The following UBTD1 variants were observed in gnomAD, a reference collection of about 807,000 sequenced individuals.
UBTD1 encodes the protein ubiquitin domain containing 1.
A neutral mutation model predicts 21.7 loss-of-function variants in UBTD1; 19 were observed. The ratio of observed to expected loss-of-function variants is 0.87; its 90% CI spans 0.61 to 1.28. The LOEUF (loss-of-function observed/expected upper bound fraction) is 1.28. UBTD1 is among the 50% of genes most tolerant of loss of function. The pLI is 0.00. For missense variants in UBTD1, 282 were observed against 315.1 expected, an observed-to-expected ratio of 0.89 and a Z score of 0.80; for synonymous variants, 116 against 135.1, an observed-to-expected ratio of 0.86 and a Z score of 0.98.
intron 1 of UBTD1, among the ~76,000 whole-genome samples, chr10:97,516,180 G>T (rs2040443414): frequency 6.6e-6 from 1 of 152,198 alleles, no homozygotes; most frequent in South Asian, 2.1e-4. Flanking sequence ...GGCTTTGTTG[G>T]AAGGATTTTG....
At chr10:97,545,370 C>T (rs1163787496) in intron 1 of UBTD1, among the ~76,000 whole-genome samples, 1 of 144,230 alleles carries the variant, frequency 6.9e-6, no homozygotes, top group East Asian at 2.1e-4. Flanking sequence ...TTTCTATTCT[C>T]TGGTAAGTAT....
intron 1 of UBTD1, among the ~76,000 whole-genome samples, chr10:97,525,202 C>A (rs2040482914): frequency 6.6e-6 from 1 of 152,228 alleles, no homozygotes; most frequent in African/African-American, 2.4e-5. Context: ...AAGGCAATTT[C>A]TGCCTTTTAG....
chr10:97,538,884 C>G (rs1052382388), intron 1 of UBTD1, among the ~76,000 whole-genome samples: 11 of 152,056 alleles, frequency 7.2e-5, no homozygotes, highest in Non-Finnish European at 1.6e-4. Flanking sequence ...TCCTCAGGAG[C>G]GCTGCACAGG....
intron 1 of UBTD1, among the ~76,000 whole-genome samples, chr10:97,508,171 A>G (rs907194676): frequency 7.2e-5 from 11 of 152,252 alleles, no homozygotes; most frequent in African/African-American, 2.7e-4. Context: ...AGCCTTAGAA[A>G]GGTAATGTCT....
At chr10:97,521,914 A>G (rs1415638150) in intron 1 of UBTD1, among the ~76,000 whole-genome samples, 2 of 152,242 alleles carry the variant, frequency 1.3e-5, no homozygotes, top group African/African-American at 4.8e-5. Flanking sequence ...TGTTTGCGTC[A>G]TTGGACTGAT....
Position 97,517,348 on chromosome 10 carries a change from G to A in UBTD1, c.70+18075G>A, listed in dbSNP as rs546965259. Among the ~76,000 whole-genome samples the A allele has an allele frequency of 3.9e-5, 6 of 152,230 alleles. No homozygotes were observed. The South Asian group carries it at 1.2e-3, about 32-fold the overall frequency. On this transcript the variant is annotated intron_variant, in intron 1 of 2. Transcript: ENST00000370664. ...GTGGCTGAGGGTGGAGAGATCTGGG[G>A]ATGTTTACAGCAGGAAGGGAAGTCC... is the stretch of plus-strand genomic sequence containing the variant.
intron 1 of UBTD1, among the ~76,000 whole-genome samples, chr10:97,548,792 G>A (rs150129927): frequency 2.0e-5 from 3 of 152,248 alleles, no homozygotes; most frequent in East Asian, 1.9e-4. Context: ...AAGACTAAAC[G>A]AAAACCCTAG....
chr10:97,564,489 A>C (rs1289336829), intron 1 of UBTD1, among the ~76,000 whole-genome samples: 1 of 152,226 alleles, frequency 6.6e-6, no homozygotes, highest in South Asian at 2.1e-4. Context: ...AACATTTGCC[A>C]TCTATTGCCT....
At chr10:97,515,714 C>T (rs1373951501) in intron 1 of UBTD1, among the ~76,000 whole-genome samples, 1 of 152,216 alleles carries the variant, frequency 6.6e-6, no homozygotes, top group African/African-American at 2.4e-5. Context: ...GCTGCAGCTC[C>T]AGCCACACTC....
chr10:97,546,915 C>G (rs2040613697), intron 1 of UBTD1, among the ~76,000 whole-genome samples: 2 of 152,188 alleles, frequency 1.3e-5, no homozygotes, highest in South Asian at 2.1e-4. Context: ...CTCTCTCTCT[C>G]TCTGTCTGTC....
At chr10:97,549,193 C>T (rs34106814) in intron 1 of UBTD1, among the ~76,000 whole-genome samples, 9,489 of 152,334 alleles carry the variant, frequency 0.062, 389 homozygotes, top group Non-Finnish European at 0.094. Flanking sequence ...CCTGCCTCCT[C>T]CAGCAGGTTT....
At chr10:97,528,535 A>T (rs1288293307) in intron 1 of UBTD1, among the ~76,000 whole-genome samples, 1 of 45,426 alleles carries the variant, frequency 2.2e-5, no homozygotes, top group Non-Finnish European at 4.7e-5. Context: ...GCTGACCCCC[A>T]ACCTCCCTCC....
At chr10:97,502,859 ATATATACGTATATATGTATATATATACG>A (rs1177665706) in intron 1 of UBTD1, among the ~76,000 whole-genome samples, 10 of 148,496 alleles carry the variant, frequency 6.7e-5, no homozygotes, top group African/African-American at 1.5e-4. Context: ...ATATATACGT[ATATATACGTATATATGTATATATATACG>A]TATATATATG....
chr10:97,499,644 G>C (rs993804385), intron 1 of UBTD1, among the ~76,000 whole-genome samples: 46 of 152,278 alleles, frequency 3.0e-4, no homozygotes, highest in African/African-American at 1.0e-3. Flanking sequence ...GGCACGGCGC[G>C]GGCAGCCAGG....
At chr10:97,560,156 A>C (rs2040685685) in intron 1 of UBTD1, among the ~76,000 whole-genome samples, 2 of 151,910 alleles carry the variant, frequency 1.3e-5, no homozygotes, top group Admixed American at 1.3e-4. Flanking sequence ...ACAACCACTT[A>C]ATTTATTTCA....
intron 1 of UBTD1, among the ~76,000 whole-genome samples, chr10:97,528,129 A>ACC (rs1289875695): frequency 1.0e-5 from 1 of 96,124 alleles, no homozygotes. Flanking sequence ...CGGGGGGCTG[A>ACC]CCCCCCCACC....
intron 1 of UBTD1, among the ~76,000 whole-genome samples, chr10:97,523,052 C>T (rs1332086149): frequency 2.0e-5 from 3 of 152,278 alleles, no homozygotes; most frequent in Middle Eastern, 6.8e-3. Context: ...CTTGACACAG[C>T]GTATTTCTTT....
intron 1 of UBTD1, among the ~76,000 whole-genome samples, chr10:97,522,326 CCT>C (rs1564737188): frequency 6.6e-6 from 1 of 152,244 alleles, no homozygotes; most frequent in Admixed American, 6.5e-5. Flanking sequence ...GTGCCTGTGC[CCT>C]GTCTCATTGC....
chr10:97,513,356 A>G (rs2040430275), intron 1 of UBTD1, among the ~76,000 whole-genome samples: 1 of 152,230 alleles, frequency 6.6e-6, no homozygotes, highest in African/African-American at 2.4e-5. Flanking sequence ...TAAGTCATAC[A>G]GTGTAGACAA....
Sources: allele counts gnomAD v4.1 joint callset (sites outside exome capture counted in the v4.1 genomes callset), GRCh38; gene constraint gnomAD v4.1.1; transcripts MANE v1.5; gene names NCBI Gene and HGNC (gene_info 2026-07-23, HGNC 2026-07-21).